The following TNRC18 variants were observed in gnomAD, a reference collection of about 807,000 sequenced individuals.
TNRC18 encodes the protein trinucleotide repeat-containing gene 18 protein.
A neutral mutation model predicts 226.7 loss-of-function variants in TNRC18; 69 were observed. The observed-to-expected ratio is 0.30, with a 90% CI of 0.25 to 0.37. The LOEUF is 0.37. Among genes scored for constraint, TNRC18 ranks in the 10% least tolerant of loss-of-function variants. The pLI is 1.00. For missense variants in TNRC18, 4,754 were observed against 4,256.6 expected, an observed-to-expected ratio of 1.12 and a Z score of -3.25; for synonymous variants, 2,449 against 1,927.6, an observed-to-expected ratio of 1.27 and a Z score of -7.09.
chr7:5,349,589 T>G (rs555023593), intron 17 of TNRC18, among the ~76,000 whole-genome samples: 1 of 152,206 alleles, frequency 6.6e-6, no homozygotes, highest in South Asian at 2.1e-4. Flanking sequence ...AGAAAAGCGT[T>G]TTGCCTACCT....
intron 18 of TNRC18, 45 bp downstream of exon 18, chr7:5,345,517 G>GGGGGGGGGGGGCCCCCCCCCCCCCCCCCC: frequency 2.6e-5 from 10 of 377,730 alleles, no homozygotes; most frequent in Non-Finnish European, 4.3e-5. Flanking sequence ...AATGGCGTCC[G>GGGGGGGGGGGGCCCCCCCCCCCCCCCCCC]CCCCTCCCAC....
At chr7:5,325,767 C>T (rs1399719820) in intron 19 of TNRC18, among the ~76,000 whole-genome samples, 10 of 129,130 alleles carry the variant, frequency 7.7e-5, no homozygotes, top group African/African-American at 1.5e-4. Context: ...GACAAGGTCT[C>T]GCTCTGTTGC....
At chr7:5,420,284 T>G (rs1005533845) in intron 2 of TNRC18, 2 of 424,116 alleles carry the variant, frequency 4.7e-6, no homozygotes, top group Non-Finnish European at 9.5e-6. Flanking sequence ...ACCCAGGGTT[T>G]TCCCCTCCGC....
intron 11 of TNRC18, 138 bp downstream of exon 11, chr7:5,370,237 C>G (rs1562563093): frequency 1.9e-6 from 2 of 1,028,670 alleles, no homozygotes; most frequent in African/African-American, 1.6e-5. Context: ...GAGGGAAGAT[C>G]ACTTGAGCCC....
At chr7:5,356,650 C>T (rs1459570130) in intron 16 of TNRC18, among the ~76,000 whole-genome samples, 1 of 152,136 alleles carries the variant, frequency 6.6e-6, no homozygotes, top group Non-Finnish European at 1.5e-5. Context: ...AGGTCGGCTC[C>T]CAACCGCCAA....
intron 24 of TNRC18, among the ~76,000 whole-genome samples, chr7:5,317,331 T>C (rs1320879212): frequency 1.3e-5 from 2 of 152,182 alleles, no homozygotes; most frequent in Non-Finnish European, 2.9e-5. Context: ...GGCTCACGCC[T>C]GTAATCCCAG....
In TNRC18 at chr7:5,315,010, C is replaced by T. The variant is rs774277840; in HGVS notation, c.7001G>A (p.Arg2334Gln). 30 of 1,606,770 alleles carry T rather than the reference C, an allele frequency of 1.9e-5. No homozygotes were observed. In the South Asian group the frequency reaches 2.0e-4, roughly 11 times the overall value. Residue 2334 changes from arginine (R) to glutamine (Q), a missense_variant, in exon 26 of 30, where the codon CGG becomes CAG. By Grantham distance (43) the Arg-to-Gln change is conservative (BLOSUM62 1). Transcript: ENST00000430969. ...ACCCTTGGCCTTGGCGCTGGGTTTC[C>T]GCCCACGCCCACGGGCCTTGGCTCC... ...EPGAKARGRG[R>Q]KPSAKAKGDR...
chr7:5,314,923 G>A (rs1787691104), intron 26 of TNRC18, 61 bp downstream of exon 26: 2 of 1,517,694 alleles, frequency 1.3e-6, no homozygotes, highest in Non-Finnish European at 1.8e-6. Flanking sequence ...CCCAAGCCCT[G>A]AGTTTGGATG....
In TNRC18 at chr7:5,313,162, T is replaced by G. The variant is rs1044262868; in HGVS notation, c.7729A>C (p.Ser2577Arg). Residue 2577 changes from serine (S) to arginine (R), a missense_variant, in exon 27 of 30, where the codon AGC becomes CGC. Coordinates refer to ENST00000430969, the MANE Select transcript of TNRC18 (RefSeq NM_001080495.3). Reference protein sequence around the residue: ...SSSSSSSSSSSGSETEGEEEG... With the variant: ...SSSSSSSSSSRGSETEGEEEG... ...TCCTCCCCTTCTGTCTCCGAGCCGC[T>G]GCTGCTGCTGCTGCTGCTGCTGCTA... 7 of 1,298,322 alleles carry G rather than the reference T, an allele frequency of 5.4e-6. No homozygotes were observed. Among genetic ancestry groups the G allele is most frequent in the Non-Finnish European group, 7.4e-6 (7 of 945,300 alleles). 80.4% of individuals were successfully genotyped at this position (1,298,322 alleles called of 1,614,324 possible).
At chr7:5,364,270 G>A (rs1233330620) in intron 11 of TNRC18, among the ~76,000 whole-genome samples, 1 of 151,988 alleles carries the variant, frequency 6.6e-6, no homozygotes, top group Admixed American at 6.6e-5. Context: ...TCCAACCTGG[G>A]CAACACAGCG....
At chr7:5,421,003 G>A (rs1209318168) in intron 2 of TNRC18, 57 bp downstream of exon 2, 8 of 1,542,848 alleles carry the variant, frequency 5.2e-6, no homozygotes, top group Non-Finnish European at 7.0e-6. Flanking sequence ...GGAGGACCCG[G>A]CCGAGTGGAT....
chr7:5,335,325 T>C (rs1343658987), intron 18 of TNRC18, among the ~76,000 whole-genome samples: 1 of 47,460 alleles, frequency 2.1e-5, no homozygotes, highest in Non-Finnish European at 4.9e-5. Flanking sequence ...AAAAAAAAAA[T>C]TTGGCCAGGC....
chr7:5,389,467 T>TTTTTTTTTTTTTTTTTTTTTTTC (rs1780123141), intron 4 of TNRC18, 131 bp from the exon 5 acceptor site: 1 of 1,103,206 alleles, frequency 9.1e-7, no homozygotes, highest in African/African-American at 1.8e-5. Flanking sequence ...TTTGGTTTTT[T>TTTTTTTTTTTTTTTTTTTTTTTC]TTTTCAGAAA....
intron 18 of TNRC18, among the ~76,000 whole-genome samples, chr7:5,344,677 G>C (rs1324876453): frequency 3.3e-5 from 5 of 152,192 alleles, no homozygotes; most frequent in African/African-American, 1.2e-4. Flanking sequence ...CTGTGGCTCA[G>C]AAAAGGATGC....
chr7:5,420,628 A>G, intron 2 of TNRC18: 1 of 460,162 alleles, frequency 2.2e-6, no homozygotes, highest in East Asian at 6.8e-5. Context: ...TGGGAACAGA[A>G]CCCAGGAGGG....
At position 5,394,672 on chromosome 7, in the gene TNRC18, ACCGCCCCGAGACCG is replaced by A. The variant is rs1780545588; in HGVS notation, c.188-91_188-78del. The A allele has an allele frequency of 3.9e-6, 4 of 1,035,916 alleles. No homozygotes were observed. Among genetic ancestry groups the A allele is most frequent in the South Asian group, 1.5e-5 (1 of 66,320 alleles). The allele number at this position is 1,035,916 out of a possible 1,614,324, so 64.2% of individuals were successfully genotyped here. Reference sequence around the variant, plus strand: ...CCGCCCCAGCCCACCGCCCCGACCCACCGCCCCGAGACCGCCGCCTCTCCCCAGCTGTGTGGAGC... The same window carrying A: ...CCGCCCCAGCCCACCGCCCCGACCCACCGCCTCTCCCCAGCTGTGTGGAGC... On this transcript the variant is annotated intron_variant, in intron 2 of 29. Coordinates refer to ENST00000430969, the MANE Select transcript of TNRC18 (RefSeq NM_001080495.3). The surrounding 1 kb of genome is among the most constrained non-coding windows in gnomAD (Gnocchi z 4.5).
At chr7:5,317,137 C>A (rs902495979) in intron 24 of TNRC18, among the ~76,000 whole-genome samples, 2 of 152,144 alleles carry the variant, frequency 1.3e-5, no homozygotes, top group African/African-American at 4.8e-5. Context: ...CCTGCCCACC[C>A]GCTATGACAA....
At chr7:5,318,473 C>T (rs1228502148) in intron 24 of TNRC18, among the ~76,000 whole-genome samples, 1 of 151,802 alleles carries the variant, frequency 6.6e-6, no homozygotes, top group Non-Finnish European at 1.5e-5. Flanking sequence ...TGGAACTAGC[C>T]CAAGTTCCAG....
chr7:5,314,108 C>T (rs570862984), intron 26 of TNRC18, among the ~76,000 whole-genome samples: 3 of 151,890 alleles, frequency 2.0e-5, no homozygotes, highest in Non-Finnish European at 2.9e-5. Context: ...CACAAGCATG[C>T]GCCACTATGC....
Sources: allele counts gnomAD v4.1 joint callset (sites outside exome capture counted in the v4.1 genomes callset), GRCh38; gene constraint gnomAD v4.1.1; non-coding constraint Gnocchi (gnomAD v3.1); transcripts MANE v1.5; gene names NCBI Gene and HGNC (gene_info 2026-07-23, HGNC 2026-07-21).